MYZAP: variants seen among roughly 807,000 people sequenced by gnomAD.
MYZAP encodes myocardial zonula adherens protein, also known as GRINL1A complex locus upstream.
MYZAP carries 66 observed loss-of-function variants against 69.4 expected under a neutral mutation model. The ratio of observed to expected loss-of-function variants is 0.95; its 90% CI spans 0.78 to 1.17. The LOEUF (loss-of-function observed/expected upper bound fraction) is 1.17, where lower values mean the gene tolerates loss of function less well. Among genes scored for constraint, MYZAP ranks in the 50% most tolerant of loss-of-function variants. The probability of loss-of-function intolerance (pLI) is 0.00; values close to 1 mark genes in which losing one functional copy is unlikely to be tolerated. For synonymous variants in MYZAP, 256 were observed against 205.9 expected (o/e 1.24, Z -2.09); for missense variants, 611 against 556.2 (o/e 1.10, Z -0.99).
At chr15:57,646,235 TC>T in intron 10 of MYZAP, 2 of 1,289,190 alleles carry the variant, frequency 1.6e-6, no homozygotes, top group Non-Finnish European at 2.0e-6. Flanking sequence ...CCTTTATTGT[TC>T]GTGATTAGAA....
chr15:57,632,302 G>GT, intron 6 of MYZAP, 132 bp from the exon 7 acceptor site: 2 of 1,435,554 alleles, frequency 1.4e-6, no homozygotes, highest in South Asian at 2.7e-5. Flanking sequence ...AGGTCTTGCT[G>GT]TGTCTCTCTG....
chr15:57,677,742 G>GC (rs1233902959), intron 12 of MYZAP, among the ~76,000 whole-genome samples: 2 of 152,204 alleles, frequency 1.3e-5, no homozygotes, highest in Non-Finnish European at 2.9e-5. Context: ...AGTCAGGGAG[G>GC]CTCAGGCTGT....
At chr15:57,673,212 G>T (rs921827550) in intron 11 of MYZAP, among the ~76,000 whole-genome samples, 4 of 152,114 alleles carry the variant, frequency 2.6e-5, no homozygotes, top group African/African-American at 9.7e-5. Context: ...ATCAGTTGCG[G>T]CATATTTGCT....
intron 3 of MYZAP, among the ~76,000 whole-genome samples, chr15:57,620,936 C>G (rs2470357): frequency 0.34 from 50,848 of 149,994 alleles, 8,783 homozygotes; most frequent in East Asian, 0.56. Context: ...GTTTATTTGG[C>G]TAATTAATAT....
chr15:57,657,869 A>G, intron 10 of MYZAP, among the ~76,000 whole-genome samples: 1 of 152,170 alleles, frequency 6.6e-6, no homozygotes, highest in East Asian at 1.9e-4. Flanking sequence ...TGCCACCTGC[A>G]ACACAGGAGA....
At chr15:57,623,315 A>G (rs1279503603) in intron 4 of MYZAP, among the ~76,000 whole-genome samples, 1 of 152,244 alleles carries the variant, frequency 6.6e-6, no homozygotes, top group African/African-American at 2.4e-5. Context: ...TGACCCAGCA[A>G]TTCTATTCCT....
chr15:57,601,887 A>T (rs772522271), intron 1 of MYZAP, among the ~76,000 whole-genome samples: 56 of 152,170 alleles, frequency 3.7e-4, no homozygotes, highest in Admixed American at 1.0e-3. Context: ...GTAAGCTCAG[A>T]TCAGCAAGTT....
intron 1 of MYZAP, among the ~76,000 whole-genome samples, chr15:57,593,304 T>C (rs2033845348): frequency 6.6e-6 from 1 of 151,982 alleles, no homozygotes; most frequent in Non-Finnish European, 1.5e-5. Context: ...CTACATTGGG[T>C]CCAAGGGGGT....
intron 1 of MYZAP, among the ~76,000 whole-genome samples, chr15:57,597,826 G>A (rs970985797): frequency 6.6e-6 from 1 of 152,222 alleles, no homozygotes; most frequent in Admixed American, 6.5e-5. Context: ...TCTAGATGGG[G>A]CATACACTGT....
rs73424732 is a variant in MYZAP at position 57,653,312 on chromosome 15, A to T, written c.1120-8138A>T. 5.0e-3 allele frequency among the ~76,000 whole-genome samples: 762 copies of T among 152,300 alleles called. 11 individuals carry two copies. The highest frequency in any genetic ancestry group is 0.018 in the African/African-American group (728 of 41,552). ...CCATTACATTATTTGAAAATTTGAC[A>T]ATTTCGCAAGGAAACAGCTTGAAGT... On this transcript the variant is annotated intron_variant, in intron 10 of 12. Transcript: ENST00000267853.
intron 9 of MYZAP, among the ~76,000 whole-genome samples, chr15:57,638,029 T>C (rs2036918030): frequency 6.6e-6 from 1 of 152,218 alleles, no homozygotes; most frequent in Admixed American, 6.5e-5. Context: ...AAAAGTTTGG[T>C]CTATTAATGT....
At chr15:57,677,391 C>T (rs1280896602) in intron 12 of MYZAP, among the ~76,000 whole-genome samples, 1 of 152,200 alleles carries the variant, frequency 6.6e-6, no homozygotes, top group East Asian at 1.9e-4. Context: ...AGAACTGGGG[C>T]TCAGAGAGAT....
intron 12 of MYZAP, among the ~76,000 whole-genome samples, chr15:57,678,000 T>G (rs1341024566): frequency 2.9e-5 from 4 of 139,104 alleles, no homozygotes; most frequent in African/African-American, 1.1e-4. Context: ...AGCTAGGAGT[T>G]CAAGACCAGC....
chr15:57,678,622 G>C (rs978883921), intron 12 of MYZAP, among the ~76,000 whole-genome samples: 1 of 151,984 alleles, frequency 6.6e-6, no homozygotes, highest in Admixed American at 6.6e-5. Context: ...TATGCATTGG[G>C]CTCTTCAGTT....
chr15:57,600,087 G>T (rs2034318370), intron 1 of MYZAP, among the ~76,000 whole-genome samples: 1 of 152,188 alleles, frequency 6.6e-6, no homozygotes, highest in African/African-American at 2.4e-5. Flanking sequence ...CAAGTTATCA[G>T]GGTATATTTA....
intron 2 of MYZAP, among the ~76,000 whole-genome samples, chr15:57,615,039 G>A (rs755386375): frequency 6.6e-5 from 10 of 152,142 alleles, no homozygotes; most frequent in South Asian, 2.1e-4. Flanking sequence ...CCCTGGTGTG[G>A]CTGGTGCTGA....
chr15:57,639,214 A>AC (rs2036985183), intron 9 of MYZAP, among the ~76,000 whole-genome samples: 1 of 145,458 alleles, frequency 6.9e-6, no homozygotes. Context: ...TTATTTATTT[A>AC]TTTTTTTTTT....
chr15:57,607,912 CTG>C (rs1442968892), intron 2 of MYZAP, among the ~76,000 whole-genome samples: 3 of 152,278 alleles, frequency 2.0e-5, no homozygotes, highest in Non-Finnish European at 4.4e-5. Flanking sequence ...CGGGGAGACT[CTG>C]TAGGGGCCAC....
chr15:57,651,930 A>G (rs1755947529), intron 10 of MYZAP, among the ~76,000 whole-genome samples: 1 of 152,298 alleles, frequency 6.6e-6, no homozygotes, highest in African/African-American at 2.4e-5. Flanking sequence ...TATCTTTAAT[A>G]TAAGATAGAA....
Sources: allele counts gnomAD v4.1 joint callset (sites outside exome capture counted in the v4.1 genomes callset), GRCh38; gene constraint gnomAD v4.1.1; transcripts MANE v1.5; gene names NCBI Gene and HGNC (gene_info 2026-07-23, HGNC 2026-07-21).